ENPP1: variants seen among roughly 807,000 people sequenced by gnomAD.
ENPP1 encodes ectonucleotide pyrophosphatase/phosphodiesterase 1.
ENPP1 carries 73 observed loss-of-function variants against 122.8 expected under a neutral mutation model. The ratio of observed to expected loss-of-function variants is 0.59; its 90% CI spans 0.49 to 0.72. ENPP1 has a LOEUF of 0.72. Among genes scored for constraint, ENPP1 ranks in the 30% least tolerant of loss-of-function variants. The pLI, the probability that ENPP1 is intolerant of heterozygous loss-of-function variation, is 0.00. For synonymous variants in ENPP1, 367 were observed against 391.6 expected, an observed-to-expected ratio of 0.94 and a Z score of 0.74; for missense variants, 978 against 1,128.1, an observed-to-expected ratio of 0.87 and a Z score of 1.91.
At chr6:131,829,975 C>T (rs1781590552) in intron 1 of ENPP1, among the ~76,000 whole-genome samples, 1 of 152,138 alleles carries the variant, frequency 6.6e-6, no homozygotes, top group African/African-American at 2.4e-5. Flanking sequence ...GTGTAGTAGT[C>T]AAAGTTACTT....
intron 1 of ENPP1, among the ~76,000 whole-genome samples, chr6:131,823,833 A>C (rs1781511567): frequency 1.3e-5 from 2 of 151,966 alleles, no homozygotes; most frequent in Non-Finnish European, 2.9e-5. Flanking sequence ...GTCTTTGGGC[A>C]GGTCCCTTAA....
In ENPP1 at chr6:131,892,303, G is replaced by A. The variant is rs1782481096; in HGVS notation, c.*1792G>A. 6.6e-6 allele frequency: 1 copy of A among 152,148 alleles called. No homozygotes were observed. Among genetic ancestry groups the A allele is most frequent in the South Asian group, 2.1e-4 (1 of 4,824 alleles). The allele number at this position is 152,148 out of a possible 1,614,324, so 9.4% of individuals were successfully genotyped here. A position where few individuals can be genotyped will look rare whatever the true frequency, so the allele number is the denominator to read the frequency against. ...CTTTCTCAGATACCACCACAGCAGG[G>A]GAATTGGGAGCACTGCTTCATTATT... On this transcript the variant is annotated 3_prime_UTR_variant, in exon 25 of 25. Transcript: ENST00000647893.
chr6:131,863,910 G>C (rs181708089), intron 9 of ENPP1, among the ~76,000 whole-genome samples: 1 of 151,980 alleles, frequency 6.6e-6, no homozygotes, highest in Non-Finnish European at 1.5e-5. Flanking sequence ...GTGAGACTCT[G>C]TCTCAAAAAA....
intron 16 of ENPP1, 117 bp downstream of exon 16, chr6:131,874,454 C>A: frequency 1.5e-6 from 1 of 668,552 alleles, no homozygotes; most frequent in Non-Finnish European, 2.6e-6. Context: ...ATGGAACATA[C>A]TTTCATAAAG....
intron 24 of ENPP1, among the ~76,000 whole-genome samples, chr6:131,887,763 C>T (rs1782403721): frequency 7.2e-6 from 1 of 138,730 alleles, no homozygotes; most frequent in Admixed American, 7.6e-5. Flanking sequence ...GATGGGGTTT[C>T]ACCGTGTTAG....
chr6:131,869,305 T>C, intron 12 of ENPP1, 53 bp from the exon 13 acceptor site: 1 of 1,588,638 alleles, frequency 6.3e-7, no homozygotes, highest in Non-Finnish European at 8.6e-7. Context: ...GCTCTGCATA[T>C]TAAATTTTTT....
At chr6:131,880,379 C>A (rs552896909) in intron 20 of ENPP1, among the ~76,000 whole-genome samples, 1 of 151,904 alleles carries the variant, frequency 6.6e-6, no homozygotes, top group African/African-American at 2.4e-5. Flanking sequence ...CTGGCTAACA[C>A]GGTGAAACTC....
At chr6:131,828,716 C>T (rs1488104846) in intron 1 of ENPP1, among the ~76,000 whole-genome samples, 1 of 152,204 alleles carries the variant, frequency 6.6e-6, no homozygotes, top group African/African-American at 2.4e-5. Flanking sequence ...GAAAACAAAC[C>T]GGAGCCCTGT....
chr6:131,860,303 G>C (rs944607547), intron 7 of ENPP1, 84 bp from the exon 8 acceptor site: 2 of 1,079,116 alleles, frequency 1.9e-6, no homozygotes, highest in Admixed American at 4.2e-5. Flanking sequence ...TCAGTTATCG[G>C]TTTCTTTTTG....
intron 24 of ENPP1, among the ~76,000 whole-genome samples, chr6:131,887,773 G>T (rs71572991): frequency 2.1e-5 from 3 of 143,436 alleles, no homozygotes; most frequent in African/African-American, 7.9e-5. Flanking sequence ...CACCGTGTTA[G>T]CCAGGATGGT....
chr6:131,879,369 T>A (rs1782273101), intron 19 of ENPP1, among the ~76,000 whole-genome samples: 1 of 152,200 alleles, frequency 6.6e-6, no homozygotes, highest in Non-Finnish European at 1.5e-5. Flanking sequence ...GCATATAACC[T>A]TAATTCATAG....
chr6:131,883,206 G>A (rs2114727798), intron 21 of ENPP1, among the ~76,000 whole-genome samples: 1 of 152,296 alleles, frequency 6.6e-6, no homozygotes, highest in East Asian at 1.9e-4. Context: ...TCTGAAGTCA[G>A]AACTTGGCTA....
At chr6:131,848,731 T>G (rs1202482037) in intron 2 of ENPP1, among the ~76,000 whole-genome samples, 1 of 152,200 alleles carries the variant, frequency 6.6e-6, no homozygotes, top group African/African-American at 2.4e-5. Context: ...ATAACAATTT[T>G]AATCCAAGCC....
chr6:131,873,861 G>C (rs879329080), intron 15 of ENPP1, among the ~76,000 whole-genome samples: 2 of 151,898 alleles, frequency 1.3e-5, no homozygotes, highest in Admixed American at 6.6e-5. Context: ...ATCTTCATGA[G>C]AGAACTAATA....
At chr6:131,869,220 C>T (rs1782127215) in intron 12 of ENPP1, 138 bp from the exon 13 acceptor site, 2 of 785,364 alleles carry the variant, frequency 2.5e-6, no homozygotes. Context: ...TTCTGTCTTA[C>T]CTATCAGATC....
At chr6:131,880,954 G>A (rs1472742251) in intron 20 of ENPP1, among the ~76,000 whole-genome samples, 2 of 152,094 alleles carry the variant, frequency 1.3e-5, no homozygotes, top group East Asian at 1.9e-4. Context: ...GGGTGCTCTG[G>A]TAGAAGGAGG....
At position 131,877,176 on chromosome 6, in the gene ENPP1, G is replaced by A; in HGVS notation, c.1893+15G>A. On this transcript the variant is annotated intron_variant, in intron 18 of 24. Coordinates refer to ENST00000647893, the MANE Select transcript of ENPP1 (RefSeq NM_006208.3). ...GTAACCCTTCGGTAAGTATCGTCAAGAAGTTTGGTCCAGTATGTATGGTTT... is the reference window on the plus strand; with the variant it reads ...GTAACCCTTCGGTAAGTATCGTCAAAAAGTTTGGTCCAGTATGTATGGTTT... The A allele has an allele frequency of 6.2e-7, 1 of 1,612,052 alleles. No individual in the cohort carries two copies. The highest frequency in any genetic ancestry group is 1.3e-5 in the African/African-American group (1 of 75,022).
chr6:131,877,348 A>G, intron 18 of ENPP1, 187 bp downstream of exon 18: 1 of 653,102 alleles, frequency 1.5e-6, no homozygotes, highest in Non-Finnish European at 2.7e-6. Context: ...TAGTTTTTGC[A>G]TTTTCCACTC....
chr6:131,809,293 A>G (rs1275054755), intron 1 of ENPP1, among the ~76,000 whole-genome samples: 4 of 152,208 alleles, frequency 2.6e-5, no homozygotes, highest in Non-Finnish European at 4.4e-5. Flanking sequence ...TGCTTTGTAG[A>G]AAAATTTCTA....
Sources: allele counts gnomAD v4.1 joint callset (sites outside exome capture counted in the v4.1 genomes callset), GRCh38; gene constraint gnomAD v4.1.1; transcripts MANE v1.5; gene names NCBI Gene and HGNC (gene_info 2026-07-23, HGNC 2026-07-21).